SYNE1: variants seen among roughly 807,000 people sequenced by gnomAD.
SYNE1 encodes nesprin-1.
Under a neutral mutation model 1,111.0 loss-of-function variants are expected in SYNE1, and 616 were observed. The observed-to-expected ratio is 0.55, with a 90% CI of 0.52 to 0.59. SYNE1 has a LOEUF of 0.59. Ranked by LOEUF, SYNE1 falls within the 20% of genes least tolerant of loss-of-function variation. The pLI, the probability that SYNE1 is intolerant of heterozygous loss-of-function variation, is 0.00. For synonymous variants in SYNE1, 3,855 were observed against 3,825.8 expected (o/e 1.01, Z -0.28); for missense variants, 10,006 against 10,417.0 (o/e 0.96, Z 1.72).
intron 64 of SYNE1, among the ~76,000 whole-genome samples, chr6:152,360,543 C>T (rs1563346149): frequency 6.6e-6 from 1 of 151,650 alleles, no homozygotes; most frequent in Non-Finnish European, 1.5e-5. Context: ...CACCACACTA[C>T]TTTTTTTTTC....
intron 101 of SYNE1, among the ~76,000 whole-genome samples, chr6:152,260,075 T>C (rs1428475522): frequency 2.6e-5 from 4 of 152,142 alleles, no homozygotes; most frequent in Non-Finnish European, 5.9e-5. Context: ...GGGTAATGGA[T>C]GAGACCTCCA....
intron 11 of SYNE1, among the ~76,000 whole-genome samples, chr6:152,498,052 A>C (rs1224544696): frequency 1.3e-5 from 2 of 152,220 alleles, no homozygotes; most frequent in African/African-American, 4.8e-5. Context: ...ATGATATTTA[A>C]AAAATTTACT....
intron 56 of SYNE1, chr6:152,380,667 C>T (rs1368128863): frequency 3.1e-6 from 1 of 326,696 alleles, no homozygotes; most frequent in Non-Finnish European, 5.8e-6. Context: ...ACAGCTATGA[C>T]TCTCTGTCTA....
chr6:152,269,621 G>C (rs747391034), intron 98 of SYNE1, among the ~76,000 whole-genome samples: 1 of 152,032 alleles, frequency 6.6e-6, no homozygotes, highest in South Asian at 2.1e-4. Context: ...TGATGAGTTT[G>C]TTTTTTAAGT....
At chr6:152,268,648 T>C (rs559555184) in intron 99 of SYNE1, among the ~76,000 whole-genome samples, 100 of 152,300 alleles carry the variant, frequency 6.6e-4, no homozygotes, top group African/African-American at 2.4e-3. Flanking sequence ...GCTTTTTACA[T>C]ACAGTTAAGG....
intron 3 of SYNE1, among the ~76,000 whole-genome samples, chr6:152,593,881 C>A (rs762647303): frequency 2.0e-5 from 3 of 152,116 alleles, no homozygotes; most frequent in Non-Finnish European, 2.9e-5. Context: ...ATGTTCGCAG[C>A]ATGTTAGTAA....
At chr6:152,547,653 T>C (rs1338393354) in intron 3 of SYNE1, among the ~76,000 whole-genome samples, 1 of 152,206 alleles carries the variant, frequency 6.6e-6, no homozygotes, top group Non-Finnish European at 1.5e-5. Flanking sequence ...AAAAAAGATT[T>C]GCAAAGTAAG....
At chr6:152,381,452 T>C in intron 55 of SYNE1, 90 bp from the exon 56 acceptor site, 1 of 1,333,934 alleles carries the variant, frequency 7.5e-7, no homozygotes, top group Non-Finnish European at 1.1e-6. Context: ...GACCCTGTCC[T>C]GCCAGGAAGT....
intron 93 of SYNE1, among the ~76,000 whole-genome samples, chr6:152,299,914 T>C (rs1184932588): frequency 6.6e-6 from 1 of 152,196 alleles, no homozygotes; most frequent in African/African-American, 2.4e-5. Context: ...AAATAAAGTA[T>C]TACTTAACAT....
At chr6:152,353,485 C>T (rs1220794265) in intron 68 of SYNE1, 52 bp from the exon 69 acceptor site, 3 of 1,613,732 alleles carry the variant, frequency 1.9e-6, no homozygotes, top group Non-Finnish European at 2.5e-6. Flanking sequence ...TGTGCCAGGG[C>T]CTTTGTTGAT....
At chr6:152,385,290 A>C (rs1591630377) in intron 55 of SYNE1, among the ~76,000 whole-genome samples, 3 of 152,242 alleles carry the variant, frequency 2.0e-5, no homozygotes, top group Admixed American at 2.0e-4. Context: ...CTAGAAAAGC[A>C]GAACAAAACA....
intron 4 of SYNE1, among the ~76,000 whole-genome samples, chr6:152,534,129 G>C (rs2099220458): frequency 6.6e-6 from 1 of 151,792 alleles, no homozygotes; most frequent in Admixed American, 6.6e-5. Context: ...CTGCACTCCA[G>C]CCTGGGCAAC....
chr6:152,479,574 CT>C (rs1412146152), intron 14 of SYNE1, among the ~76,000 whole-genome samples: 5 of 152,172 alleles, frequency 3.3e-5, no homozygotes, highest in African/African-American at 1.2e-4. Flanking sequence ...TCTGCCTACA[CT>C]TTCCTCATCA....
chr6:152,448,752 G>A (rs1178511587), intron 28 of SYNE1, among the ~76,000 whole-genome samples: 1 of 152,134 alleles, frequency 6.6e-6, no homozygotes, highest in African/African-American at 2.4e-5. Context: ...TGAGGTGGGA[G>A]GATTGCTTAA....
At chr6:152,504,909 T>A (rs898432918) in intron 9 of SYNE1, among the ~76,000 whole-genome samples, 1 of 152,188 alleles carries the variant, frequency 6.6e-6, no homozygotes, top group Non-Finnish European at 1.5e-5. Flanking sequence ...CTACCCCTCA[T>A]ACACACACTT....
At position 152,387,072 on chromosome 6, in the gene SYNE1, C is replaced by A. The variant is rs1563603832; in HGVS notation, c.8487G>T (p.Lys2829Asn). 2 of 1,611,824 alleles carry A rather than the reference C, an allele frequency of 1.2e-6. No homozygotes were observed. The highest frequency in any genetic ancestry group is 1.7e-6 in the Non-Finnish European group (2 of 1,178,462). Residue 2829 changes from lysine to asparagine, a missense_variant and splice_region_variant, in exon 54 of 146, where the codon AAG becomes AAT. This residue lies in a region of SYNE1 where 4,955 missense variants were observed against 5,017.2 expected (regional missense o/e 0.99). Transcript: ENST00000367255. ...TQFNDIMTVA[K>N]EKMRKVEEIV... ...TCTACTTTCAATATAAAGCACTAAC[C>A]TTGGCAACAGTCATTATATCATTAA...
At chr6:152,465,925 G>GC in intron 17 of SYNE1, 57 bp downstream of exon 17, 1 of 1,240,432 alleles carries the variant, frequency 8.1e-7, no homozygotes, top group Non-Finnish European at 1.2e-6. Context: ...ATAGAAACCT[G>GC]CAGGCTCTAA....
At chr6:152,469,447 G>T (rs955820813) in intron 16 of SYNE1, among the ~76,000 whole-genome samples, 2 of 152,026 alleles carry the variant, frequency 1.3e-5, no homozygotes, top group Non-Finnish European at 2.9e-5. Context: ...AGTTCTAGTG[G>T]CTGGTATCTG....
chr6:152,221,508 A>G lies in SYNE1; in HGVS notation c.21574T>C (p.Ser7192Pro). The change falls in exon 118 of 146, where the codon TCT becomes CCT. Residue 7192 changes from serine to proline, a missense_variant. By Grantham distance (74) the Ser-to-Pro change is moderately conservative. This residue lies in a region of SYNE1 where 2,182 missense variants were observed against 2,287.8 expected (regional missense o/e 0.95). Transcript: ENST00000367255. ...KQERSLQKFG[S>P]ITNQLLKECH... is the part of the protein sequence containing the mutation. ...TCTTTTAATAATTGGTTGGTGATAG[A>G]GCCAAATTTCTGTAAGCTCCTTTCC... 1 of 1,613,956 alleles carries G rather than the reference A, an allele frequency of 6.2e-7. No individual in the cohort carries two copies. The highest frequency in any genetic ancestry group is 1.3e-5 in the African/African-American group (1 of 75,022).
Sources: gnomAD v4.1 joint callset for allele counts (sites outside exome capture counted in the v4.1 genomes callset) on GRCh38, gnomAD v4.1.1 for gene constraint, gnomAD v4.1.1 regional missense constraint, MANE v1.5 for transcripts, NCBI Gene and HGNC (gene_info 2026-07-23, HGNC 2026-07-21) for gene names.